CNTLN: variants seen among roughly 807,000 people sequenced by gnomAD.
CNTLN encodes centlein, centrosomal protein.
CNTLN carries 212 observed loss-of-function variants against 180.0 expected under a neutral mutation model. The observed-to-expected ratio is 1.18, with a 90% CI of 1.05 to 1.32. The LOEUF is 1.32. CNTLN is among the 40% of genes most tolerant of loss of function. The pLI, the probability that CNTLN is intolerant of heterozygous loss-of-function variation, is 0.00. For missense variants in CNTLN, 2,095 were observed against 1,610.9 expected (o/e 1.30, Z -5.14); for synonymous variants, 722 against 563.1 (o/e 1.28, Z -3.99).
At chr9:17,203,977 A>G (rs1822739218) in intron 2 of CNTLN, among the ~76,000 whole-genome samples, 1 of 152,150 alleles carries the variant, frequency 6.6e-6, no homozygotes, top group African/African-American at 2.4e-5. Context: ...TGTTTGCTTC[A>G]CAAAGTTCTT....
chr9:17,527,458 C>T, the CNTLN span, among the ~76,000 whole-genome samples: 17 of 152,236 alleles, frequency 1.1e-4, no homozygotes, highest in African/African-American at 4.1e-4. Context: ...AGTTGTTTCC[C>T]ATGGAGTACA....
intron 6 of CNTLN, among the ~76,000 whole-genome samples, chr9:17,288,739 T>C (rs1398180814): frequency 1.4e-5 from 2 of 138,566 alleles, no homozygotes; most frequent in African/African-American, 6.0e-5. Context: ...TCTTGTTGAA[T>C]TGATCCCTTT....
chr9:17,339,816 A>G (rs1030954263), intron 10 of CNTLN, among the ~76,000 whole-genome samples: 1 of 152,190 alleles, frequency 6.6e-6, no homozygotes, highest in South Asian at 2.1e-4. Context: ...TTCATTTTAT[A>G]TATATCTAAA....
intron 6 of CNTLN, among the ~76,000 whole-genome samples, chr9:17,279,531 C>G (rs965411485): frequency 2.0e-5 from 3 of 152,042 alleles, no homozygotes; most frequent in African/African-American, 7.2e-5. Flanking sequence ...CAGCCTATTT[C>G]CACTATAGTC....
rs187158368 is a variant in CNTLN at position 17,346,644 on chromosome 9, A to G, written c.1886+4200A>G. Among the ~76,000 whole-genome samples the G allele has an allele frequency of 2.0e-4, 31 of 152,192 alleles. No homozygotes were observed. The East Asian group carries it at 4.4e-3, about 22-fold the overall frequency. Reference sequence around the variant, plus strand: ...TGCATCATTCTGTTTACTTGCTTTCAATCATTTTTCCTTTTCTTTACTCTT... The same window carrying G: ...TGCATCATTCTGTTTACTTGCTTTCGATCATTTTTCCTTTTCTTTACTCTT... On this transcript the variant is annotated intron_variant, in intron 12 of 25. Coordinates refer to ENST00000380647, the MANE Select transcript of CNTLN (RefSeq NM_017738.4).
intron 1 of CNTLN, among the ~76,000 whole-genome samples, chr9:17,137,247 CTT>C (rs1197479285): frequency 1.3e-5 from 2 of 152,122 alleles, no homozygotes; most frequent in Admixed American, 6.6e-5. Context: ...TATTAATACT[CTT>C]ATATAATTGT....
intron 6 of CNTLN, among the ~76,000 whole-genome samples, chr9:17,276,427 C>T (rs905595986): frequency 1.3e-5 from 2 of 152,012 alleles, no homozygotes; most frequent in African/African-American, 4.8e-5. Flanking sequence ...AAAAAGTGGT[C>T]TAGGCACTTT....
intron 25 of CNTLN, among the ~76,000 whole-genome samples, chr9:17,498,372 A>C (rs1833569128): frequency 6.6e-6 from 1 of 152,146 alleles, no homozygotes; most frequent in Non-Finnish European, 1.5e-5. Flanking sequence ...GTGAGTAATA[A>C]ATTTAAGATT....
intron 7 of CNTLN, among the ~76,000 whole-genome samples, chr9:17,302,911 T>A (rs1254453467): frequency 2.0e-5 from 3 of 152,222 alleles, no homozygotes; most frequent in African/African-American, 7.2e-5. Context: ...ACAAATTATT[T>A]TAGAAATGTT....
intron 6 of CNTLN, among the ~76,000 whole-genome samples, chr9:17,294,470 A>T (rs987890327): frequency 1.3e-5 from 2 of 151,630 alleles, no homozygotes; most frequent in African/African-American, 4.8e-5. Context: ...TGGTGCATCC[A>T]CAAACCCTGA....
In CNTLN at chr9:17,204,429, C is replaced by G. The variant is rs368082892; in HGVS notation, c.450-21774C>G. On this transcript the variant is annotated intron_variant, in intron 2 of 25. Coordinates refer to ENST00000380647, the MANE Select transcript of CNTLN (RefSeq NM_017738.4). ...TGCTTTCTGTTTGTTAGTTTTTCCTCTAACAGGCCCCTCTTCTGCAGCTTG... is the reference window on the plus strand; with the variant it reads ...TGCTTTCTGTTTGTTAGTTTTTCCTGTAACAGGCCCCTCTTCTGCAGCTTG... Among the ~76,000 whole-genome samples, 138 of 152,168 alleles carry G rather than the reference C, an allele frequency of 9.1e-4. 1 individual carries two copies. In the Middle Eastern group the frequency reaches 0.01, roughly 11 times the overall value.
intron 7 of CNTLN, among the ~76,000 whole-genome samples, chr9:17,304,245 A>G (rs1413418): frequency 0.19 from 29,527 of 152,062 alleles, 3,470 homozygotes; most frequent in African/African-American, 0.33. Flanking sequence ...TACCAGTCAT[A>G]TAGTGTGGAA....
intron 15 of CNTLN, among the ~76,000 whole-genome samples, chr9:17,397,737 A>G (rs1432269793): frequency 6.6e-6 from 1 of 152,242 alleles, no homozygotes; most frequent in Non-Finnish European, 1.5e-5. Context: ...CACCTCTGAC[A>G]TTAGTGCATG....
chr9:17,155,660 C>T lies in CNTLN; in HGVS notation c.449+12284C>T, dbSNP rs575753380. Reference sequence around the variant, plus strand: ...GGATCTCAGATTGCTGCTGTGCTGGCAGCCAGAATTTAAAGCCAGTAGATC... The same window carrying T: ...GGATCTCAGATTGCTGCTGTGCTGGTAGCCAGAATTTAAAGCCAGTAGATC... On this transcript the variant is annotated intron_variant, in intron 2 of 25. Coordinates refer to ENST00000380647, the MANE Select transcript of CNTLN (RefSeq NM_017738.4). 3.3e-5 allele frequency among the ~76,000 whole-genome samples: 5 copies of T among 152,278 alleles called. No individual in the cohort carries two copies. In the East Asian group the frequency reaches 9.7e-4, roughly 30 times the overall value.
chr9:17,178,666 CG>C (rs1820900959), intron 2 of CNTLN, among the ~76,000 whole-genome samples: 1 of 146,484 alleles, frequency 6.8e-6, no homozygotes, highest in Non-Finnish European at 1.5e-5. Context: ...GCCGGCTGGC[CG>C]GCCGCTCCAA....
chr9:17,518,919 C>T, the CNTLN span, among the ~76,000 whole-genome samples: 11 of 152,162 alleles, frequency 7.2e-5, no homozygotes, highest in East Asian at 1.9e-3. Flanking sequence ...CTGTGAAAAG[C>T]CACTGAGACT....
rs1311271720 is a variant in CNTLN, at chr9:17,415,803, A to T, written c.2812A>T (p.Lys938Ter). Residue 938 changes from lysine to a stop codon, truncating the protein, a stop_gained, in exon 17 of 26, where the codon AAG (lysine) becomes TAG (stop). Transcript: ENST00000380647. LOFTEE classifies it high-confidence loss of function. The part of the protein sequence containing the change: ...GKTPKDYFHD[K>*]NAKKPTFQKK... ...TCAAATTTAGGACTATTTTCATGATAAGAATGCCAAAAAACCAACTTTTCA... is the reference window on the plus strand; with the variant it reads ...TCAAATTTAGGACTATTTTCATGATTAGAATGCCAAAAAACCAACTTTTCA... 4 of 1,606,198 alleles carry T rather than the reference A, an allele frequency of 2.5e-6. No homozygotes were observed. The highest frequency in any genetic ancestry group is 3.4e-6 in the Non-Finnish European group (4 of 1,174,032).
At chr9:17,328,997 A>G (rs12555618) in intron 8 of CNTLN, among the ~76,000 whole-genome samples, 43,553 of 151,808 alleles carry the variant, frequency 0.29, 6,623 homozygotes, top group South Asian at 0.51. Context: ...TATTTATCAT[A>G]GCTTCTTGAC....
At chr9:17,218,158 A>G (rs1030098451) in intron 2 of CNTLN, among the ~76,000 whole-genome samples, 1 of 152,142 alleles carries the variant, frequency 6.6e-6, no homozygotes, top group African/African-American at 2.4e-5. Context: ...AATTTTAAAC[A>G]TGTATTTTAT....
Sources: allele counts gnomAD v4.1 joint callset (sites outside exome capture counted in the v4.1 genomes callset), GRCh38; gene constraint gnomAD v4.1.1; transcripts MANE v1.5; gene names NCBI Gene and HGNC (gene_info 2026-07-23, HGNC 2026-07-21).